The following TFEB variants were observed in gnomAD, a reference collection of about 807,000 sequenced individuals.
The protein encoded by TFEB is T-cell transcription factor EB.
A neutral mutation model predicts 48.0 loss-of-function variants in TFEB; 12 were observed. The ratio of observed to expected loss-of-function variants is 0.25; its 90% CI spans 0.16 to 0.40. The LOEUF (loss-of-function observed/expected upper bound fraction) is 0.40. TFEB is among the 10% of genes least tolerant of loss of function. The probability of loss-of-function intolerance (pLI) is 1.00; values close to 1 mark genes in which losing one functional copy is unlikely to be tolerated. For missense variants in TFEB, 509 were observed against 640.3 expected (o/e 0.79, Z 2.21); for synonymous variants, 244 against 261.4 (o/e 0.93, Z 0.64).
chr6:41,690,460 C>T (rs906037390), intron 3 of TFEB, among the ~76,000 whole-genome samples: 1 of 152,192 alleles, frequency 6.6e-6, no homozygotes, highest in Non-Finnish European at 1.5e-5. Flanking sequence ...GTAAGGATGG[C>T]GTTTCCTCTG....
chr6:41,697,185 A>G (rs1283999176), intron 1 of TFEB, among the ~76,000 whole-genome samples: 1 of 152,092 alleles, frequency 6.6e-6, no homozygotes, highest in African/African-American at 2.4e-5. Flanking sequence ...AGGCAGCCAG[A>G]TCACTTGAGG....
At chr6:41,696,822 C>T (rs927021466) in intron 1 of TFEB, among the ~76,000 whole-genome samples, 17 of 152,080 alleles carry the variant, frequency 1.1e-4, no homozygotes, top group Non-Finnish European at 2.1e-4. Flanking sequence ...ATAATGTTAA[C>T]GAAAGAACCA....
intron 1 of TFEB, among the ~76,000 whole-genome samples, chr6:41,714,097 G>C (rs13215052): frequency 6.6e-6 from 1 of 151,558 alleles, no homozygotes; most frequent in African/African-American, 2.4e-5. Flanking sequence ...CTGTGTGTGC[G>C]TGTGTGTGTG....
chr6:41,714,798 G>A (rs1466027186), intron 1 of TFEB, among the ~76,000 whole-genome samples: 1 of 152,146 alleles, frequency 6.6e-6, no homozygotes, highest in African/African-American at 2.4e-5. Context: ...CACACCCCAA[G>A]GGACTCCAGC....
At chr6:41,727,248 C>T (rs1420498861) in intron 1 of TFEB, among the ~76,000 whole-genome samples, 1 of 152,018 alleles carries the variant, frequency 6.6e-6, no homozygotes, top group Non-Finnish European at 1.5e-5. Flanking sequence ...ATCCTTTGAA[C>T]ACATCAAAAG....
chr6:41,732,605 A>T (rs1771500766), intron 1 of TFEB: 2 of 985,830 alleles, frequency 2.0e-6, no homozygotes, highest in South Asian at 9.4e-5. Flanking sequence ...CACAACCATT[A>T]CATAAACCCC....
At position 41,684,283 on chromosome 6, in the gene TFEB, G is replaced by C; in HGVS notation, c.*316C>G. On this transcript the variant is annotated 3_prime_UTR_variant, in exon 9 of 9. Transcript: ENST00000373033. ...GGTAATGAGGGGCTCGGGCTCAGAA[G>C]ACAGGGAATCTCCACCAGGCCCTCT... 3.4e-6 allele frequency: 1 copy of C among 292,714 alleles called. No homozygotes were observed. Among genetic ancestry groups the C allele is most frequent in the Non-Finnish European group, 6.3e-6 (1 of 158,048 alleles). 18.1% of individuals were successfully genotyped at this position (292,714 alleles called of 1,614,324 possible).
At chr6:41,702,268 A>T (rs1365801778) in intron 1 of TFEB, among the ~76,000 whole-genome samples, 4 of 152,042 alleles carry the variant, frequency 2.6e-5, no homozygotes, top group African/African-American at 9.7e-5. Flanking sequence ...ATCCATGCCC[A>T]GGAGGCTCAG....
intron 7 of TFEB, 33 bp from the exon 8 acceptor site, chr6:41,686,270 A>T (rs113105248): frequency 1.2e-6 from 2 of 1,612,222 alleles, no homozygotes; most frequent in Non-Finnish European, 1.7e-6. Flanking sequence ...TTAGAGGTGC[A>T]TGCTCAGAAG....
chr6:41,685,411 C>G (rs1768947504), intron 8 of TFEB, among the ~76,000 whole-genome samples: 1 of 152,200 alleles, frequency 6.6e-6, no homozygotes. Flanking sequence ...AGCGTTACTT[C>G]ATGAAACTGA....
At chr6:41,719,154 G>T (rs934910861) in intron 1 of TFEB, among the ~76,000 whole-genome samples, 3 of 152,136 alleles carry the variant, frequency 2.0e-5, no homozygotes, top group Non-Finnish European at 2.9e-5. Context: ...GAGGGATCTA[G>T]GTTGCATGCT....
At chr6:41,697,321 T>C (rs1769643066) in intron 1 of TFEB, among the ~76,000 whole-genome samples, 1 of 143,214 alleles carries the variant, frequency 7.0e-6, no homozygotes, top group African/African-American at 2.6e-5. Context: ...GGCAGGAGAA[T>C]TGCTTGAACC....
chr6:41,705,014 T>C (rs577366283), intron 1 of TFEB, among the ~76,000 whole-genome samples: 63 of 152,274 alleles, frequency 4.1e-4, no homozygotes, highest in African/African-American at 1.5e-3. Flanking sequence ...ACAGACCATA[T>C]GAGACACACC....
chr6:41,708,639 G>A (rs546469156), intron 1 of TFEB, among the ~76,000 whole-genome samples: 10 of 152,314 alleles, frequency 6.6e-5, no homozygotes, highest in African/African-American at 2.4e-4. Flanking sequence ...TACCACTGGT[G>A]CTCCCTGGGG....
Position 41,734,870 on chromosome 6 carries a change from C to A in TFEB, c.-23+480G>T, listed in dbSNP as rs1285993372. 4.1e-6 allele frequency: 4 copies of A among 984,254 alleles called. No homozygotes were observed. The African/African-American group carries it at 5.3e-5, about 13-fold the overall frequency. 61.0% of individuals were successfully genotyped at this position (984,254 alleles called of 1,614,324 possible). ...CCTCCCACTCCCCCCGCTGGCCTGGCCAGACTCAGCCCCCGCACACCTCCC... is the reference window on the plus strand; with the variant it reads ...CCTCCCACTCCCCCCGCTGGCCTGGACAGACTCAGCCCCCGCACACCTCCC... On this transcript the variant is annotated intron_variant, in intron 1 of 8. Coordinates refer to ENST00000373033, the MANE Select transcript of TFEB (RefSeq NM_001271944.2). The surrounding 1 kb of genome is among the most constrained non-coding windows in gnomAD (Gnocchi z 4.0).
At chr6:41,692,578 G>C (rs997515530) in intron 1 of TFEB, among the ~76,000 whole-genome samples, 1 of 152,184 alleles carries the variant, frequency 6.6e-6, no homozygotes. Context: ...GGAAAGACAG[G>C]GAAGAATGAG....
chr6:41,693,118 A>T (rs1769398840), intron 1 of TFEB, among the ~76,000 whole-genome samples: 1 of 152,230 alleles, frequency 6.6e-6, no homozygotes, highest in East Asian at 1.9e-4. Context: ...ACCAGAAGCC[A>T]GAGCTGTGTC....
Position 41,684,665 on chromosome 6 carries a change from G to A in TFEB, c.1365C>T (p.Ser455=). Reference sequence around the variant, plus strand: ...GGCTGCTGGCCTTGGAGGCCTCGGGGGACATGGTGGACAGAAGTGGATCAG... The same window carrying A: ...GGCTGCTGGCCTTGGAGGCCTCGGGAGACATGGTGGACAGAAGTGGATCAG... ...LASDPLLSTM[S]PEASKASSRR... The change falls in exon 9 of 9, where the codon TCC becomes TCT. Residue 455 remains serine (S), a synonymous_variant. Coordinates refer to ENST00000373033, the MANE Select transcript of TFEB (RefSeq NM_001271944.2). The A allele has an allele frequency of 6.2e-7, 1 of 1,612,834 alleles. No individual in the cohort carries two copies. Among genetic ancestry groups the A allele is most frequent in the Non-Finnish European group, 8.5e-7 (1 of 1,179,530 alleles).
At chr6:41,701,336 T>C (rs950255287) in intron 1 of TFEB, among the ~76,000 whole-genome samples, 1 of 152,262 alleles carries the variant, frequency 6.6e-6, no homozygotes, top group South Asian at 2.1e-4. Flanking sequence ...TGCCTGTGTC[T>C]GCCATGCTTT....
Sources: gnomAD v4.1 joint callset for allele counts (sites outside exome capture counted in the v4.1 genomes callset) on GRCh38, gnomAD v4.1.1 for gene constraint, Gnocchi (gnomAD v3.1) non-coding constraint, MANE v1.5 for transcripts, NCBI Gene and HGNC (gene_info 2026-07-23, HGNC 2026-07-21) for gene names.